Variants in SHC4 observed in about 807,000 individuals in gnomAD.
SHC4 encodes SHC-transforming protein 4.
SHC4 carries 41 observed loss-of-function variants against 69.4 expected under a neutral mutation model. That is an observed-to-expected ratio of 0.59 (90% CI 0.46 to 0.77). The LOEUF is 0.77. Ranked by LOEUF, SHC4 falls within the 30% of genes least tolerant of loss-of-function variation. The pLI, the probability that SHC4 is intolerant of heterozygous loss-of-function variation, is 0.00. For synonymous variants in SHC4, 318 were observed against 299.3 expected (o/e 1.06, Z -0.64); for missense variants, 777 against 783.8 (o/e 0.99, Z 0.10).
intron 1 of SHC4, among the ~76,000 whole-genome samples, chr15:48,956,970 C>CTTTTTTTTTTTT (rs1234585427): frequency 1.1e-4 from 8 of 70,166 alleles, no homozygotes; most frequent in East Asian, 4.9e-4. Context: ...TTCTTTCTTT[C>CTTTTTTTTTTTT]TTTCTTTTTT....
chr15:48,834,935 T>C lies in SHC4; in HGVS notation c.1571A>G (p.Glu524Gly). The C allele has an allele frequency of 1.9e-6, 3 of 1,613,898 alleles. No homozygotes were observed. Among genetic ancestry groups the C allele is most frequent in the Non-Finnish European group, 2.5e-6 (3 of 1,179,896 alleles). The change falls in exon 11 of 12, where the codon GAA becomes GGA. Residue 524 changes from glutamate to glycine, a missense_variant. Coordinates refer to ENST00000332408, the MANE Select transcript of SHC4 (RefSeq NM_203349.4). ...GCTCAGCTTGCCATGATAGCATTCTTCGCTCCACAGCTGCTGCTTAATGTG... is the reference window on the plus strand; with the variant it reads ...GCTCAGCTTGCCATGATAGCATTCTCCGCTCCACAGCTGCTGCTTAATGTG... ...LPHIKQQLWS[E>G]ECYHGKLSRK...
intron 1 of SHC4, among the ~76,000 whole-genome samples, chr15:48,959,693 C>T (rs1244220585): frequency 6.6e-6 from 1 of 152,156 alleles, no homozygotes; most frequent in Non-Finnish European, 1.5e-5. Context: ...TGTGCTTTTT[C>T]CTACAGATGG....
intron 1 of SHC4, among the ~76,000 whole-genome samples, chr15:48,932,744 T>C (rs1900992122): frequency 6.6e-6 from 1 of 152,158 alleles, no homozygotes; most frequent in Admixed American, 6.6e-5. Context: ...TTCTATACTC[T>C]GTATGAACTT....
Position 48,855,987 on chromosome 15 carries a change from T to C in SHC4, c.1208A>G (p.Tyr403Cys). The C allele has an allele frequency of 6.2e-7, 1 of 1,613,854 alleles. No homozygotes were observed. The highest frequency in any genetic ancestry group is 1.1e-5 in the South Asian group (1 of 91,006). ...CAACTTTTCACACTGTATGGGGCAG[T>C]AAGCCATTTGTTCCGTGGCTTGAAC... ...IKVQATEQMA[Y>C]CPIQCEKLCY... The change falls in exon 8 of 12, where the codon TAC becomes TGC. Residue 403 changes from tyrosine (Y) to cysteine (C), a missense_variant. Tyr to Cys is a radical substitution (Grantham distance 194). Transcript: ENST00000332408.
intron 1 of SHC4, among the ~76,000 whole-genome samples, chr15:48,931,185 C>T (rs538005341): frequency 1.3e-5 from 2 of 152,298 alleles, no homozygotes; most frequent in East Asian, 1.9e-4. Context: ...GGTTCCTTCT[C>T]TCCCTATACC....
chr15:48,960,003 C>G lies in SHC4; in HGVS notation c.585+2428G>C, dbSNP rs148701585. 4.8e-3 allele frequency among the ~76,000 whole-genome samples: 724 copies of G among 152,280 alleles called. 6 individuals are homozygous for G. Among genetic ancestry groups the G allele is most frequent in the African/African-American group, 0.017 (697 of 41,534 alleles). ...TCTTCCGTCTTTCAAAGTTAGGATT[C>G]TATAAAACTTAATAAGTAAGTTCTT... On this transcript the variant is annotated intron_variant, in intron 1 of 11. Coordinates refer to ENST00000332408, the MANE Select transcript of SHC4 (RefSeq NM_203349.4).
chr15:48,827,179 C>G (rs1331708279), intron 11 of SHC4, among the ~76,000 whole-genome samples: 2 of 152,126 alleles, frequency 1.3e-5, no homozygotes, highest in Admixed American at 1.3e-4. Context: ...TCTGCCAGCT[C>G]TCCTACAAGG....
intron 7 of SHC4, among the ~76,000 whole-genome samples, chr15:48,857,050 G>T (rs1899334242): frequency 6.6e-6 from 1 of 152,048 alleles, no homozygotes; most frequent in Non-Finnish European, 1.5e-5. Flanking sequence ...GTACCCAAGA[G>T]TTTTGTTTCT....
At chr15:48,953,770 G>C (rs1164969707) in intron 1 of SHC4, among the ~76,000 whole-genome samples, 1 of 152,170 alleles carries the variant, frequency 6.6e-6, no homozygotes, top group Non-Finnish European at 1.5e-5. Flanking sequence ...AGTGCTCCTG[G>C]GTTAAGGTAG....
At chr15:48,905,275 A>G (rs2141013675) in intron 2 of SHC4, among the ~76,000 whole-genome samples, 1 of 152,296 alleles carries the variant, frequency 6.6e-6, no homozygotes, top group Admixed American at 6.5e-5. Context: ...AGCTCCAGGG[A>G]CTGGGCTTCT....
chr15:48,954,694 T>G (rs961658428), intron 1 of SHC4, among the ~76,000 whole-genome samples: 4 of 152,176 alleles, frequency 2.6e-5, no homozygotes, highest in African/African-American at 9.7e-5. Flanking sequence ...AGGGTGGCGC[T>G]GCTGGCCGGG....
intron 1 of SHC4, among the ~76,000 whole-genome samples, chr15:48,951,516 C>G (rs566552980): frequency 6.6e-6 from 1 of 152,226 alleles, no homozygotes; most frequent in South Asian, 2.1e-4. Context: ...GGTGAAAACC[C>G]AGCTTTTCAG....
chr15:48,925,436 CA>C (rs1251961234), intron 1 of SHC4, among the ~76,000 whole-genome samples: 2 of 152,218 alleles, frequency 1.3e-5, no homozygotes, highest in East Asian at 3.9e-4. Context: ...GTAGAGGAAG[CA>C]AAAATAAATG....
intron 2 of SHC4, among the ~76,000 whole-genome samples, chr15:48,913,124 G>A (rs1013926914): frequency 1.3e-5 from 2 of 151,938 alleles, no homozygotes; most frequent in Non-Finnish European, 2.9e-5. Flanking sequence ...GTAGTATAGA[G>A]AGGAGCCCTT....
At chr15:48,919,574 C>T (rs1000215063) in intron 2 of SHC4, among the ~76,000 whole-genome samples, 2 of 151,860 alleles carry the variant, frequency 1.3e-5, no homozygotes, top group Non-Finnish European at 2.9e-5. Context: ...CAGGTGTGAG[C>T]CACCATGCCT....
At chr15:48,878,804 G>C in intron 4 of SHC4, 1 of 1,469,192 alleles carries the variant, frequency 6.8e-7, no homozygotes, top group Non-Finnish European at 9.2e-7. Context: ...CTATCTTTTG[G>C]GTTCATTCCA....
At chr15:48,833,336 G>T (rs545698823) in intron 11 of SHC4, among the ~76,000 whole-genome samples, 1 of 152,252 alleles carries the variant, frequency 6.6e-6, no homozygotes, top group East Asian at 1.9e-4. Context: ...TGATGTCTGT[G>T]GCACTGCAAG....
chr15:48,891,721 T>C (rs1403380013), intron 2 of SHC4, among the ~76,000 whole-genome samples: 1 of 152,202 alleles, frequency 6.6e-6, no homozygotes, highest in Admixed American at 6.5e-5. Context: ...CCAATACACA[T>C]ACACATGCAA....
At chr15:48,867,610 A>T (rs187654593) in intron 6 of SHC4, among the ~76,000 whole-genome samples, 14 of 152,320 alleles carry the variant, frequency 9.2e-5, no homozygotes, top group Admixed American at 7.2e-4. Flanking sequence ...GGATCTTTAA[A>T]ATGATTTAAA....
Sources: allele counts gnomAD v4.1 joint callset (sites outside exome capture counted in the v4.1 genomes callset), GRCh38; gene constraint gnomAD v4.1.1; transcripts MANE v1.5; gene names NCBI Gene and HGNC (gene_info 2026-07-23, HGNC 2026-07-21).